The following TAF4 variants were observed in gnomAD, a reference collection of about 807,000 sequenced individuals.
TAF4 encodes the protein transcription initiation factor TFIID subunit 4.
TAF4 carries 9 observed loss-of-function variants against 90.3 expected under a neutral mutation model. The observed-to-expected ratio is 0.10, with a 90% CI of 0.06 to 0.17. The LOEUF is 0.17. Among genes scored for constraint, TAF4 ranks in the 10% least tolerant of loss-of-function variants. TAF4 has a pLI of 1.00. For synonymous variants in TAF4, 818 were observed against 638.9 expected, an observed-to-expected ratio of 1.28 and a Z score of -4.23; for missense variants, 1,351 against 1,370.7, an observed-to-expected ratio of 0.99 and a Z score of 0.23.
At chr20:61,989,261 G>C (rs1468324026) in intron 14 of TAF4, among the ~76,000 whole-genome samples, 3 of 151,648 alleles carry the variant, frequency 2.0e-5, no homozygotes, top group Non-Finnish European at 4.4e-5. Flanking sequence ...CACACCAAGT[G>C]CCCCGATCCT....
At chr20:61,990,660 C>T (rs2055625819) in intron 14 of TAF4, among the ~76,000 whole-genome samples, 1 of 152,108 alleles carries the variant, frequency 6.6e-6, no homozygotes, top group Non-Finnish European at 1.5e-5. Flanking sequence ...CCGCAAATGC[C>T]CACACTGACC....
intron 14 of TAF4, among the ~76,000 whole-genome samples, chr20:61,987,104 C>T (rs896666831): frequency 4.6e-5 from 7 of 152,348 alleles, no homozygotes; most frequent in East Asian, 3.9e-4. Context: ...AACAGCCAGG[C>T]GACACCACCT....
At chr20:62,051,723 GCAC>G (rs918193294) in intron 1 of TAF4, among the ~76,000 whole-genome samples, 1 of 152,142 alleles carries the variant, frequency 6.6e-6, no homozygotes, top group African/African-American at 2.4e-5. Context: ...CCCTGCCATG[GCAC>G]CACTTCAGAA....
chr20:62,028,162 C>A (rs1329769066), intron 1 of TAF4, among the ~76,000 whole-genome samples: 2 of 152,152 alleles, frequency 1.3e-5, no homozygotes, highest in African/African-American at 4.8e-5. Context: ...GCTGGAGGTG[C>A]TAAGGGGGGC....
intron 14 of TAF4, among the ~76,000 whole-genome samples, chr20:61,982,063 C>T (rs1275646836): frequency 2.7e-5 from 3 of 111,610 alleles, no homozygotes; most frequent in Non-Finnish European, 3.9e-5. Flanking sequence ...GACACCAAAC[C>T]CACACCCCAC....
At chr20:61,982,681 T>A (rs62207107) in intron 14 of TAF4, among the ~76,000 whole-genome samples, 1 of 72,956 alleles carries the variant, frequency 1.4e-5, no homozygotes. Context: ...ACACCCCACC[T>A]GAGAGGAGAC....
intron 6 of TAF4, among the ~76,000 whole-genome samples, chr20:62,007,289 T>G (rs2055752206): frequency 6.6e-6 from 1 of 152,208 alleles, no homozygotes; most frequent in African/African-American, 2.4e-5. Flanking sequence ...CCCCTTCACT[T>G]TCAGGAAGCA....
Position 62,000,131 on chromosome 20 carries a change from G to T in TAF4, c.2780C>A (p.Ser927Tyr). 6.2e-7 allele frequency: 1 copy of T among 1,614,228 alleles called. No individual in the cohort carries two copies. Residue 927 changes from serine (S) to tyrosine (Y), a missense_variant, in exon 11 of 15, where the codon TCT (serine) becomes TAT (tyrosine). Physicochemically the swap from Ser to Tyr is moderately radical, Grantham distance 144. This residue lies in a region of TAF4 where 95 missense variants were observed against 151.3 expected (regional missense o/e 0.63). Coordinates refer to ENST00000252996, the MANE Select transcript of TAF4 (RefSeq NM_003185.4). Reference sequence around the variant, plus strand: ...CGGCAAACAGCCTGTTACCTTGTAAGAAAAGTTCTTCTGCTGAGCTGTTTC... The same window carrying T: ...CGGCAAACAGCCTGTTACCTTGTAATAAAAGTTCTTCTGCTGAGCTGTTTC... ...ISETAQQKNFSYKDDDRYEQA... is the reference protein window; with the variant it reads ...ISETAQQKNFYYKDDDRYEQA...
At chr20:62,053,614 C>T (rs938484682) in intron 1 of TAF4, among the ~76,000 whole-genome samples, 9 of 152,244 alleles carry the variant, frequency 5.9e-5, no homozygotes, top group African/African-American at 2.2e-4. Flanking sequence ...ACTCCGCCAG[C>T]AAGCTGCCAG....
chr20:62,062,112 C>G (rs982725080), intron 1 of TAF4, among the ~76,000 whole-genome samples: 2 of 152,232 alleles, frequency 1.3e-5, no homozygotes, highest in Admixed American at 6.5e-5. Context: ...CCTGCCCACC[C>G]CTAATACTCC....
intron 1 of TAF4, among the ~76,000 whole-genome samples, chr20:62,045,238 G>T (rs761688115): frequency 6.6e-6 from 1 of 152,192 alleles, no homozygotes; most frequent in Non-Finnish European, 1.5e-5. Context: ...CAACCGTCCC[G>T]CACCTCCTGG....
chr20:61,992,067 G>A (rs1458906609), intron 14 of TAF4, among the ~76,000 whole-genome samples: 1 of 152,234 alleles, frequency 6.6e-6, no homozygotes. Context: ...GAACTTGGGA[G>A]TGGCTGCTCC....
intron 1 of TAF4, among the ~76,000 whole-genome samples, chr20:62,051,012 G>A (rs752489421): frequency 6.6e-6 from 1 of 152,186 alleles, no homozygotes; most frequent in Non-Finnish European, 1.5e-5. Flanking sequence ...CCCTCACAGG[G>A]GAAGCATCTG....
intron 14 of TAF4, among the ~76,000 whole-genome samples, chr20:61,994,826 G>A (rs1463947897): frequency 6.6e-6 from 1 of 152,234 alleles, no homozygotes; most frequent in Non-Finnish European, 1.5e-5. Flanking sequence ...GCGAAACAGA[G>A]AAGTCAGGGG....
intron 1 of TAF4, among the ~76,000 whole-genome samples, chr20:62,028,522 C>T (rs1403524446): frequency 6.6e-6 from 1 of 152,072 alleles, no homozygotes; most frequent in Non-Finnish European, 1.5e-5. Context: ...TATGTGCGTA[C>T]GGGGCCCTGG....
chr20:62,011,693 C>A (rs758040412), intron 3 of TAF4, among the ~76,000 whole-genome samples: 5 of 152,192 alleles, frequency 3.3e-5, no homozygotes, highest in Non-Finnish European at 5.9e-5. Context: ...AGTCCACACC[C>A]CCTGGGGCTC....
At chr20:62,038,188 C>T (rs1229245863) in intron 1 of TAF4, among the ~76,000 whole-genome samples, 2 of 152,088 alleles carry the variant, frequency 1.3e-5, no homozygotes, top group Admixed American at 6.5e-5. Flanking sequence ...CCACTACGCC[C>T]GGCTAATTTT....
chr20:62,065,246 G>A lies in TAF4; in HGVS notation c.565C>T (p.Pro189Ser), dbSNP rs1278769101. 1 of 1,025,686 alleles carries A rather than the reference G, an allele frequency of 9.7e-7. No individual in the cohort carries two copies. Among genetic ancestry groups the A allele is most frequent in the Non-Finnish European group, 1.2e-6 (1 of 854,666 alleles). 63.5% of individuals were successfully genotyped at this position (1,025,686 alleles called of 1,614,324 possible). A position where few individuals can be genotyped will look rare whatever the true frequency, so the allele number is the denominator to read the frequency against. ...GTTTGCGCGGCGCCGGGGCCGGCGG[G>A]CTTGCCAGGGCCAGGGCCGGGGCCG... ...GPGPGPGPGK[P>S]AGPGAAQTLN... The change falls in exon 1 of 15, where the codon CCC (proline) becomes TCC (serine). Residue 189 changes from proline (P) to serine (S), a missense_variant. By Grantham distance (74) the Pro-to-Ser change is moderately conservative (BLOSUM62 -1). This residue lies in a region of TAF4 where 782 missense variants were observed against 536.6 expected (regional missense o/e 1.46). Coordinates refer to ENST00000252996, the MANE Select transcript of TAF4 (RefSeq NM_003185.4).
rs1422975368 is a variant in TAF4 at position 61,975,951 on chromosome 20, T to C, written c.*217A>G. On this transcript the variant is annotated 3_prime_UTR_variant, in exon 15 of 15. Transcript: ENST00000252996. ...AGGAAGGCCACTCAATCAAGATGAG[T>C]TAAGATTTAATTGTCCTTTAAGAGT... 5 of 541,182 alleles carry C rather than the reference T, an allele frequency of 9.2e-6. No individual in the cohort carries two copies. In the East Asian group the frequency reaches 1.2e-4, roughly 13 times the overall value. 33.5% of individuals were successfully genotyped at this position (541,182 alleles called of 1,614,324 possible). A position where few individuals can be genotyped will look rare whatever the true frequency, so the allele number is the denominator to read the frequency against.
Sources: gnomAD v4.1 joint callset for allele counts (sites outside exome capture counted in the v4.1 genomes callset) on GRCh38, gnomAD v4.1.1 for gene constraint, gnomAD v4.1.1 regional missense constraint, MANE v1.5 for transcripts, NCBI Gene and HGNC (gene_info 2026-07-23, HGNC 2026-07-21) for gene names.